Variants in RNF213 observed in about 807,000 individuals in gnomAD.
The protein encoded by RNF213 is E3 ubiquitin-protein ligase RNF213.
RNF213 carries 341 observed loss-of-function variants against 514.4 expected under a neutral mutation model. The ratio of observed to expected loss-of-function variants is 0.66; its 90% CI spans 0.61 to 0.73. The LOEUF is 0.73. Among genes scored for constraint, RNF213 ranks in the 30% least tolerant of loss-of-function variants. RNF213 has a pLI of 0.00. For synonymous variants in RNF213, 2,655 were observed against 2,658.2 expected (o/e 1.00, Z 0.04); for missense variants, 5,767 against 6,615.6 (o/e 0.87, Z 4.45).
chr17:80,374,134 C>G (rs2062653806), intron 49 of RNF213, among the ~76,000 whole-genome samples: 1 of 152,342 alleles, frequency 6.6e-6, no homozygotes, highest in Middle Eastern at 3.4e-3. Context: ...TGTTTGACTA[C>G]CACCTGGGGT....
At position 80,374,624 on chromosome 17, in the gene RNF213, G is replaced by C. The variant is rs374028228; in HGVS notation, c.13074+35G>C. ...GCCCGTGGCTTCTCTCTGATACCAG[G>C]TGGCATCCCTTGGAGCCTGCATGTT... On this transcript the variant is annotated intron_variant, in intron 50 of 67. Coordinates refer to ENST00000582970, the MANE Select transcript of RNF213 (RefSeq NM_001256071.3). 1.8e-4 allele frequency: 294 copies of C among 1,612,660 alleles called. 1 individual carries two copies. Among genetic ancestry groups the C allele is most frequent in the Non-Finnish European group, 1.4e-5 (16 of 1,179,292 alleles).
intron 42 of RNF213, chr17:80,365,145 ACAGCCT>A (rs2079210404): frequency 6.1e-6 from 1 of 162,850 alleles, no homozygotes; most frequent in African/African-American, 2.4e-5. Flanking sequence ...TCAGCCAAAC[ACAGCCT>A]CAGCCTCTGC....
At chr17:80,357,081 T>C (rs949601288) in intron 36 of RNF213, among the ~76,000 whole-genome samples, 4 of 151,956 alleles carry the variant, frequency 2.6e-5, no homozygotes, top group African/African-American at 9.7e-5. Context: ...ACCACGACTG[T>C]AATTTTTGTA....
intron 59 of RNF213, 125 bp downstream of exon 59, chr17:80,384,053 A>G (rs1181569304): frequency 8.3e-7 from 1 of 1,211,944 alleles, no homozygotes; most frequent in Non-Finnish European, 1.2e-6. Context: ...TTGGTTTTGA[A>G]TAGGATGTAG....
chr17:80,373,590 C>G (rs1232256061), intron 49 of RNF213, among the ~76,000 whole-genome samples: 4 of 152,086 alleles, frequency 2.6e-5, no homozygotes, highest in Non-Finnish European at 5.9e-5. Context: ...ATTCTTGTGG[C>G]CTTTGCTTTC....
In RNF213 at chr17:80,383,083, T is replaced by C. The variant is rs113926535; in HGVS notation, c.14070+13T>C. 6 of 1,588,928 alleles carry C rather than the reference T, an allele frequency of 3.8e-6. No individual in the cohort carries two copies. Among genetic ancestry groups the C allele is most frequent in the Non-Finnish European group, 5.2e-6 (6 of 1,157,318 alleles). ...TCCTGAACTGGAGGTAAGCAGTAAG[T>C]GCTGACAGCTGGGTTGCTCCTCGGT... On this transcript the variant is annotated intron_variant, in intron 58 of 67. Coordinates refer to ENST00000582970, the MANE Select transcript of RNF213 (RefSeq NM_001256071.3).
At chr17:80,350,447 G>T in intron 31 of RNF213, 51 bp downstream of exon 31, 1 of 1,177,348 alleles carries the variant, frequency 8.5e-7, no homozygotes, top group South Asian at 1.2e-5. Flanking sequence ...CCAAAACGTA[G>T]GAAGTCCTAG....
chr17:80,261,151 G>A (rs933187503), intron 1 of RNF213, among the ~76,000 whole-genome samples: 4 of 152,048 alleles, frequency 2.6e-5, no homozygotes, highest in Non-Finnish European at 4.4e-5. Context: ...GCACGCCTGG[G>A]ACCCCGGCGA....
chr17:80,355,198 A>T (rs1348635130), intron 36 of RNF213: 1 of 456,034 alleles, frequency 2.2e-6, no homozygotes, highest in Non-Finnish European at 4.4e-6. Flanking sequence ...TCCCATCTCT[A>T]AAAGACAGCG....
At chr17:80,298,081 C>G (rs931966675) in intron 10 of RNF213, among the ~76,000 whole-genome samples, 1 of 152,216 alleles carries the variant, frequency 6.6e-6, no homozygotes, top group Non-Finnish European at 1.5e-5. Context: ...CTTCTGAGAT[C>G]CCTCCCCTGT....
chr17:80,380,884 G>C lies in RNF213; in HGVS notation c.13694G>C (p.Arg4565Thr). ...CACGTGCTGGGCAACCCGCAGCGGAGAGACGTGGTGACATGTGACCGAGGG... is the reference window on the plus strand; with the variant it reads ...CACGTGCTGGGCAACCCGCAGCGGACAGACGTGGTGACATGTGACCGAGGG... ...TGHVLGNPQR[R>T]DVVTCDRGLP... The change falls in exon 56 of 68, where the codon AGA (arginine) becomes ACA (threonine). Residue 4565 changes from arginine to threonine, a missense_variant. Physicochemically the swap from Arg to Thr is moderately conservative, Grantham distance 71. This residue lies in a region of RNF213 where 1,245 missense variants were observed against 1,339.0 expected (regional missense o/e 0.93). Transcript: ENST00000582970. The C allele has an allele frequency of 1.9e-6, 3 of 1,614,202 alleles. No individual in the cohort carries two copies. The highest frequency in any genetic ancestry group is 2.5e-6 in the Non-Finnish European group (3 of 1,180,042).
In RNF213 at chr17:80,349,805, CTG is replaced by C. The variant is rs773104420; in HGVS notation, c.9990_9991del (p.Cys3330Ter). ...TFSRLLTSHDCEILESEVTGR... is the reference protein window; with the variant it reads ...TFSRLLTSHDXEILESEVTGR... ...TCTCCAGGCTGCTAACAAGTCACGA[CTG>C]TGAAATTTTAGAATCAGAGGTCACA... On this transcript the variant is annotated frameshift_variant, in exon 30 of 68. Coordinates refer to ENST00000582970, the MANE Select transcript of RNF213 (RefSeq NM_001256071.3). LOFTEE classifies it high-confidence loss of function. 6.2e-7 allele frequency: 1 copy of C among 1,614,162 alleles called. No individual in the cohort carries two copies. The highest frequency in any genetic ancestry group is 1.7e-5 in the Admixed American group (1 of 60,032).
chr17:80,268,999 C>T (rs1013808351), intron 2 of RNF213, among the ~76,000 whole-genome samples: 31 of 152,254 alleles, frequency 2.0e-4, no homozygotes, highest in African/African-American at 6.7e-4. Flanking sequence ...AAACCACTGG[C>T]GTAAGTCCAA....
rs1477631677 is a variant in RNF213 at position 80,349,779 on chromosome 17, T to C, written c.9961T>C (p.Phe3321Leu). 2 of 1,614,084 alleles carry C rather than the reference T, an allele frequency of 1.2e-6. No individual in the cohort carries two copies. The highest frequency in any genetic ancestry group is 1.6e-4 in the Middle Eastern group (1 of 6,084). The change falls in exon 30 of 68, where the codon TTC becomes CTC. Residue 3321 changes from phenylalanine (F) to leucine (L), a missense_variant. Physicochemically the swap from Phe to Leu is conservative, Grantham distance 22. Coordinates refer to ENST00000582970, the MANE Select transcript of RNF213 (RefSeq NM_001256071.3). ...TTTCTTAACTCTGTAGATCACCACT[T>C]TCTCCAGGCTGCTAACAAGTCACGA... The part of the protein sequence containing the change: ...RHAIFTEITT[F>L]SRLLTSHDCE...
At chr17:80,269,334 C>T (rs980982027) in intron 2 of RNF213, among the ~76,000 whole-genome samples, 2 of 152,070 alleles carry the variant, frequency 1.3e-5, no homozygotes, top group African/African-American at 2.4e-5. Context: ...ACCATCACAC[C>T]GTCTATCCAT....
At chr17:80,306,214 C>A in intron 11 of RNF213, 38 bp from the exon 12 acceptor site, 1 of 1,590,012 alleles carries the variant, frequency 6.3e-7, no homozygotes, top group East Asian at 2.2e-5. Context: ...ACTGATCTCA[C>A]TGCGTCTCTT....
chr17:80,294,574 G>A, intron 8 of RNF213, 146 bp from the exon 9 acceptor site: 1 of 969,676 alleles, frequency 1.0e-6, no homozygotes, highest in Non-Finnish European at 1.6e-6. Flanking sequence ...TCGTCAGTGT[G>A]TGGGTTTTTG....
At chr17:80,290,521 G>A in intron 6 of RNF213, 49 bp from the exon 7 acceptor site, 4 of 1,611,474 alleles carry the variant, frequency 2.5e-6, no homozygotes, top group Non-Finnish European at 3.4e-6. Context: ...GCACATGGCA[G>A]GTGGACAGAT....
At position 80,376,505 on chromosome 17, in the gene RNF213, C is replaced by T; in HGVS notation, c.13390C>T (p.Pro4464Ser). 8 of 1,614,124 alleles carry T rather than the reference C, an allele frequency of 5.0e-6. No individual in the cohort carries two copies. The East Asian group carries it at 1.8e-4, about 36-fold the overall frequency. ...GTGTGGACAGAATGAACTCTTGGAG[C>T]CCCTAAAGAATCTGGCCTTCTCCCC... ...LLCGQNELLEPLKNLAFSPAT... is the reference protein window; with the variant it reads ...LLCGQNELLESLKNLAFSPAT... Residue 4464 changes from proline (P) to serine (S), a missense_variant, in exon 52 of 68, where the codon CCC (proline) becomes TCC (serine). By Grantham distance (74) the Pro-to-Ser change is moderately conservative. This residue lies in a region of RNF213 where 1,245 missense variants were observed against 1,339.0 expected (regional missense o/e 0.93). Coordinates refer to ENST00000582970, the MANE Select transcript of RNF213 (RefSeq NM_001256071.3).
Sources: allele counts gnomAD v4.1 joint callset (sites outside exome capture counted in the v4.1 genomes callset), GRCh38; gene constraint gnomAD v4.1.1; regional missense constraint gnomAD v4.1.1; transcripts MANE v1.5; gene names NCBI Gene and HGNC (gene_info 2026-07-23, HGNC 2026-07-21).